The following RPTOR variants were observed in gnomAD, a reference collection of about 807,000 sequenced individuals.
RPTOR encodes regulatory associated protein of MTOR complex 1, also known as regulatory-associated protein of mTOR.
Under a neutral mutation model 169.9 loss-of-function variants are expected in RPTOR, and 21 were observed. The observed-to-expected ratio is 0.12, with a 90% CI of 0.09 to 0.18. The LOEUF (loss-of-function observed/expected upper bound fraction) is 0.18, where lower values mean the gene tolerates loss of function less well. RPTOR is among the 10% of genes least tolerant of loss of function. RPTOR has a pLI of 1.00. For missense variants in RPTOR, 1,133 were observed against 1,855.9 expected, an observed-to-expected ratio of 0.61 and a Z score of 7.16; for synonymous variants, 732 against 753.2, an observed-to-expected ratio of 0.97 and a Z score of 0.46.
chr17:80,590,239 G>T (rs2065093350), intron 1 of RPTOR, among the ~76,000 whole-genome samples: 1 of 150,512 alleles, frequency 6.6e-6, no homozygotes, highest in Non-Finnish European at 1.5e-5. Context: ...CTGTGTGTTA[G>T]CATGGTGAAG....
Position 80,965,349 on chromosome 17 carries a change from G to C in RPTOR, c.*1019G>C. 4.3e-6 allele frequency: 1 copy of C among 233,342 alleles called. No homozygotes were observed. The highest frequency in any genetic ancestry group is 8.5e-6 in the Non-Finnish European group (1 of 118,084). The allele number at this position is 233,342 out of a possible 1,614,324, so 14.5% of individuals were successfully genotyped here. On this transcript the variant is annotated 3_prime_UTR_variant, in exon 34 of 34. Coordinates refer to ENST00000306801, the MANE Select transcript of RPTOR (RefSeq NM_020761.3). ...AAGAGGCACTGCCGGGTCCCGGACG[G>C]CTCCGGGTGACACCAGCCCCGTCTC...
At chr17:80,958,980 C>G (rs960994514) in intron 29 of RPTOR, among the ~76,000 whole-genome samples, 5 of 152,238 alleles carry the variant, frequency 3.3e-5, no homozygotes, top group African/African-American at 1.2e-4. Flanking sequence ...CCCAGCCTCT[C>G]TCCCGGGCAG....
intron 6 of RPTOR, among the ~76,000 whole-genome samples, chr17:80,789,959 A>G (rs1428828385): frequency 6.6e-6 from 1 of 152,270 alleles, no homozygotes; most frequent in East Asian, 1.9e-4. Flanking sequence ...GGATAAAAAG[A>G]CAAAGTAGCA....
At chr17:80,808,035 C>G (rs1389129955) in intron 7 of RPTOR, among the ~76,000 whole-genome samples, 1 of 152,078 alleles carries the variant, frequency 6.6e-6, no homozygotes, top group African/African-American at 2.4e-5. Context: ...TGGCTCATGC[C>G]TGTAATCTTA....
chr17:80,792,878 T>C (rs138817784), intron 7 of RPTOR, among the ~76,000 whole-genome samples: 27 of 152,144 alleles, frequency 1.8e-4, no homozygotes, highest in Admixed American at 3.9e-4. Flanking sequence ...AACGTATATA[T>C]TGCCCCCGCC....
At chr17:80,886,367 G>A (rs957547486) in intron 17 of RPTOR, among the ~76,000 whole-genome samples, 5 of 152,188 alleles carry the variant, frequency 3.3e-5, no homozygotes, top group Non-Finnish European at 5.9e-5. Flanking sequence ...GTGAGGTTCC[G>A]GGCTGCCTTT....
chr17:80,705,314 TG>T (rs2066134507), intron 3 of RPTOR, among the ~76,000 whole-genome samples: 1 of 152,376 alleles, frequency 6.6e-6, no homozygotes, highest in African/African-American at 2.4e-5. Flanking sequence ...GAGACCACTC[TG>T]TGGCTCTAAC....
chr17:80,766,053 T>C (rs1028237587), intron 6 of RPTOR, among the ~76,000 whole-genome samples: 1 of 152,192 alleles, frequency 6.6e-6, no homozygotes, highest in African/African-American at 2.4e-5. Flanking sequence ...GATTCTAGCA[T>C]GTACTTTTTA....
intron 21 of RPTOR, among the ~76,000 whole-genome samples, chr17:80,916,774 C>A (rs546240074): frequency 6.6e-6 from 1 of 152,118 alleles, no homozygotes; most frequent in Non-Finnish European, 1.5e-5. Flanking sequence ...CCAAGGCGGG[C>A]GGATCACTTG....
chr17:80,753,151 T>C (rs2066645466), intron 5 of RPTOR, among the ~76,000 whole-genome samples: 1 of 152,190 alleles, frequency 6.6e-6, no homozygotes, highest in South Asian at 2.1e-4. Context: ...AAAATCCCCC[T>C]AATCCCCCAC....
intron 13 of RPTOR, among the ~76,000 whole-genome samples, chr17:80,865,045 G>A (rs1490760228): frequency 1.3e-5 from 2 of 152,222 alleles, no homozygotes; most frequent in Admixed American, 6.5e-5. Flanking sequence ...ACAAAAAGAT[G>A]GGGAGGAGAG....
At position 80,643,919 on chromosome 17, in the gene RPTOR, T is replaced by C. The variant is rs1026476029; in HGVS notation, c.348+109T>C. 3.6e-6 allele frequency: 3 copies of C among 832,658 alleles called. No homozygotes were observed. In the African/African-American group the frequency reaches 5.1e-5, roughly 14 times the overall value. 51.6% of individuals were successfully genotyped at this position (832,658 alleles called of 1,614,324 possible). ...TGAGAATTCTGTGCACACCCTGCCC[T>C]TGTGTGGCATGGCGCCTGCGCACTG... On this transcript the variant is annotated intron_variant, in intron 3 of 33. Transcript: ENST00000306801.
intron 3 of RPTOR, among the ~76,000 whole-genome samples, chr17:80,697,598 C>T (rs914487164): frequency 3.9e-5 from 6 of 152,186 alleles, no homozygotes; most frequent in African/African-American, 1.2e-4. Context: ...CAGGTGGCAC[C>T]GTGCACAGCC....
At chr17:80,950,666 ACAGGGCAGGAAAAGTGAGCCC>A (rs1479177317) in intron 28 of RPTOR, among the ~76,000 whole-genome samples, 1 of 151,958 alleles carries the variant, frequency 6.6e-6, no homozygotes, top group Non-Finnish European at 1.5e-5. Context: ...CTTCCCTGGG[ACAGGGCAGGAAAAGTGAGCCC>A]CAGCCCGGGG....
chr17:80,753,618 G>A (rs1420665008), intron 5 of RPTOR, among the ~76,000 whole-genome samples: 1 of 116,716 alleles, frequency 8.6e-6, no homozygotes, highest in Non-Finnish European at 1.7e-5. Flanking sequence ...GGGCGACAGA[G>A]CGAAACTCCG....
chr17:80,847,715 G>C (rs748273467), intron 11 of RPTOR, among the ~76,000 whole-genome samples: 1 of 152,170 alleles, frequency 6.6e-6, no homozygotes, highest in African/African-American at 2.4e-5. Context: ...TTGGGTCCTC[G>C]CCTTCCTAGA....
intron 20 of RPTOR, among the ~76,000 whole-genome samples, chr17:80,903,216 C>T (rs920878473): frequency 1.3e-5 from 2 of 152,220 alleles, no homozygotes; most frequent in African/African-American, 2.4e-5. Context: ...GAGCTGGGGG[C>T]CCTGGCCAGC....
At chr17:80,640,593 A>G (rs9909449) in intron 2 of RPTOR, among the ~76,000 whole-genome samples, 67,360 of 152,006 alleles carry the variant, frequency 0.44, 15,483 homozygotes, top group African/African-American at 0.56. Context: ...GTGGGCAGGT[A>G]TCCTGACCTG....
intron 1 of RPTOR, among the ~76,000 whole-genome samples, chr17:80,578,724 G>A (rs2064988056): frequency 6.6e-6 from 1 of 152,198 alleles, no homozygotes; most frequent in Non-Finnish European, 1.5e-5. Flanking sequence ...AATAGAAGAG[G>A]CTGGAGTTAC....
Sources: allele counts gnomAD v4.1 joint callset (sites outside exome capture counted in the v4.1 genomes callset), GRCh38; gene constraint gnomAD v4.1.1; transcripts MANE v1.5; gene names NCBI Gene and HGNC (gene_info 2026-07-23, HGNC 2026-07-21).